RSPO2: variants seen among roughly 807,000 people sequenced by gnomAD.
RSPO2 encodes R-spondin-2.
Under a neutral mutation model 30.9 loss-of-function variants are expected in RSPO2, and 14 were observed. The observed-to-expected ratio is 0.45, with a 90% CI of 0.30 to 0.71. RSPO2 has a LOEUF of 0.71. Ranked by LOEUF, RSPO2 falls within the 30% of genes least tolerant of loss-of-function variation. The pLI is 0.08. For synonymous variants in RSPO2, 107 were observed against 96.4 expected (o/e 1.11, Z -0.64); for missense variants, 264 against 301.9 (o/e 0.87, Z 0.93).
chr8:108,038,487 G>A (rs1563574478), intron 2 of RSPO2, among the ~76,000 whole-genome samples: 1 of 152,172 alleles, frequency 6.6e-6, no homozygotes, highest in African/African-American at 2.4e-5. Context: ...CAGTGGCAAG[G>A]TTTGACAGGA....
At chr8:108,078,797 CG>C (rs1486496438) in intron 2 of RSPO2, among the ~76,000 whole-genome samples, 3 of 152,154 alleles carry the variant, frequency 2.0e-5, no homozygotes, top group African/African-American at 7.2e-5. Flanking sequence ...CCCCTGCCAT[CG>C]GACCACCAGA....
intron 5 of RSPO2, among the ~76,000 whole-genome samples, chr8:107,936,217 CTTATT>C (rs1377572011): frequency 2.0e-5 from 3 of 152,034 alleles, no homozygotes; most frequent in Admixed American, 6.6e-5. Flanking sequence ...CTGTGCCTGG[CTTATT>C]TTATTTAACA....
intron 2 of RSPO2, among the ~76,000 whole-genome samples, chr8:108,011,148 A>AAG (rs1554581782): frequency 3.2e-4 from 45 of 140,556 alleles, no homozygotes; most frequent in Middle Eastern, 7.8e-3. Flanking sequence ...AAAAAAAAAA[A>AAG]AAAGAAAGAA....
At chr8:108,025,962 G>T (rs1023863971) in intron 2 of RSPO2, among the ~76,000 whole-genome samples, 1 of 152,136 alleles carries the variant, frequency 6.6e-6, no homozygotes, top group African/African-American at 2.4e-5. Context: ...TGAGAAACAA[G>T]ATTTTATATC....
intron 2 of RSPO2, among the ~76,000 whole-genome samples, chr8:108,059,742 T>C (rs1230945999): frequency 6.7e-6 from 1 of 149,560 alleles, no homozygotes; most frequent in Middle Eastern, 3.2e-3. Context: ...CTCAGTAAAC[T>C]ATCACAAGAA....
intron 5 of RSPO2, among the ~76,000 whole-genome samples, chr8:107,953,373 A>G (rs1319970157): frequency 6.6e-6 from 1 of 152,174 alleles, no homozygotes. Flanking sequence ...TCTAAAGGAG[A>G]GTAGGGCCTT....
chr8:108,013,412 T>C (rs2130591678), intron 2 of RSPO2, among the ~76,000 whole-genome samples: 1 of 152,266 alleles, frequency 6.6e-6, no homozygotes, highest in Admixed American at 6.5e-5. Context: ...TCAGTAGAGA[T>C]TAGTATTAGT....
At chr8:108,009,110 T>C (rs1318118595) in intron 2 of RSPO2, among the ~76,000 whole-genome samples, 1 of 152,150 alleles carries the variant, frequency 6.6e-6, no homozygotes, top group African/African-American at 2.4e-5. Flanking sequence ...TTTTAACAAT[T>C]GGTAAGCATT....
At chr8:107,996,134 G>A (rs1228333217) in intron 2 of RSPO2, among the ~76,000 whole-genome samples, 1 of 152,126 alleles carries the variant, frequency 6.6e-6, no homozygotes, top group Non-Finnish European at 1.5e-5. Flanking sequence ...GATGGGAAAA[G>A]CTGGAGAAGA....
intron 2 of RSPO2, among the ~76,000 whole-genome samples, chr8:108,060,438 T>G (rs770805517): frequency 2.6e-5 from 4 of 151,420 alleles, no homozygotes; most frequent in African/African-American, 4.9e-5. Flanking sequence ...TATCAGTGAT[T>G]GAAGATGAAA....
intron 3 of RSPO2, among the ~76,000 whole-genome samples, chr8:107,986,020 A>AT (rs994291091): frequency 6.6e-6 from 1 of 152,168 alleles, no homozygotes; most frequent in Non-Finnish European, 1.5e-5. Flanking sequence ...CACTTACAAG[A>AT]TTTTTTAGGC....
intron 5 of RSPO2, among the ~76,000 whole-genome samples, chr8:107,933,693 A>C (rs913737441): frequency 6.6e-6 from 1 of 152,230 alleles, no homozygotes; most frequent in African/African-American, 2.4e-5. Flanking sequence ...AAGACTTAGA[A>C]AGCTTAGAAC....
Position 107,944,639 on chromosome 8 carries a change from T to C in RSPO2, c.616+13441A>G, listed in dbSNP as rs1044485614. Among the ~76,000 whole-genome samples, 8 of 152,232 alleles carry C rather than the reference T, an allele frequency of 5.3e-5. No individual in the cohort carries two copies. In the East Asian group the frequency reaches 7.7e-4, roughly 15 times the overall value. On this transcript the variant is annotated intron_variant, in intron 5 of 5. Coordinates refer to ENST00000276659, the MANE Select transcript of RSPO2 (RefSeq NM_178565.5). ...TATGGGTTGAAAGACAAAGAAGCCA[T>C]ATGGGAGAAAGTGCTCTAGGTTTAA...
chr8:107,996,211 G>C (rs1006305352), intron 2 of RSPO2, among the ~76,000 whole-genome samples: 1 of 152,180 alleles, frequency 6.6e-6, no homozygotes, highest in South Asian at 2.1e-4. Context: ...AAGGTAGCTA[G>C]AGAGAATCCA....
intron 2 of RSPO2, among the ~76,000 whole-genome samples, chr8:108,006,844 G>T (rs577501197): frequency 6.6e-6 from 1 of 152,174 alleles, no homozygotes; most frequent in Admixed American, 6.5e-5. Context: ...ATTTATATTT[G>T]TCTATATCTA....
At chr8:107,926,805 A>G (rs1044838465) in intron 5 of RSPO2, among the ~76,000 whole-genome samples, 4 of 152,100 alleles carry the variant, frequency 2.6e-5, no homozygotes, top group African/African-American at 9.7e-5. Flanking sequence ...GTAGCCTTGT[A>G]GTATAGTTTG....
chr8:107,952,814 TTAC>T (rs1318364007), intron 5 of RSPO2, among the ~76,000 whole-genome samples: 2 of 152,204 alleles, frequency 1.3e-5, no homozygotes, highest in Admixed American at 6.5e-5. Flanking sequence ...TGGAGAAGTC[TTAC>T]TACTACTACC....
intron 2 of RSPO2, among the ~76,000 whole-genome samples, chr8:108,065,306 A>AG (rs957550267): frequency 2.6e-5 from 4 of 151,288 alleles, no homozygotes; most frequent in African/African-American, 9.7e-5. Context: ...AAAAAAAAAA[A>AG]GAAGAGTACT....
chr8:107,968,126 A>T (rs1053276975), intron 3 of RSPO2, among the ~76,000 whole-genome samples: 1 of 152,156 alleles, frequency 6.6e-6, no homozygotes, highest in Admixed American at 6.6e-5. Flanking sequence ...CAATATATCA[A>T]AGAGATATCT....
Sources: gnomAD v4.1 joint callset for allele counts (sites outside exome capture counted in the v4.1 genomes callset) on GRCh38, gnomAD v4.1.1 for gene constraint, MANE v1.5 for transcripts, NCBI Gene and HGNC (gene_info 2026-07-23, HGNC 2026-07-21) for gene names.